Variants in NCOR1 observed in about 807,000 individuals in gnomAD.
NCOR1 encodes nuclear receptor corepressor 1.
NCOR1 carries 63 observed loss-of-function variants against 288.1 expected under a neutral mutation model. That is an observed-to-expected ratio of 0.22 (90% CI 0.18 to 0.27). NCOR1 has a LOEUF of 0.27. Among genes scored for constraint, NCOR1 ranks in the 10% least tolerant of loss-of-function variants. The pLI is 1.00. For missense variants in NCOR1, 2,397 were observed against 3,019.2 expected (o/e 0.79, Z 4.83); for synonymous variants, 1,007 against 1,065.9 (o/e 0.94, Z 1.08).
chr17:16,149,292 CATATATATATAT>C (rs34511605), intron 9 of NCOR1, among the ~76,000 whole-genome samples, 147 bp downstream of exon 9: 1 of 137,964 alleles, frequency 7.2e-6, no homozygotes, highest in South Asian at 2.3e-4. Context: ...AGATTTAAGT[CATATATATATAT>C]ATATATATAT....
intron 19 of NCOR1, chr17:16,108,179 CAAAAA>C (rs35417050): frequency 6.1e-5 from 9 of 146,982 alleles, no homozygotes; most frequent in East Asian, 2.1e-4. Context: ...AAGCAATTTC[CAAAAA>C]AAAAAAAAAA....
At chr17:16,103,673 T>C (rs1189257080) in intron 19 of NCOR1, among the ~76,000 whole-genome samples, 1 of 152,230 alleles carries the variant, frequency 6.6e-6, no homozygotes, top group African/African-American at 2.4e-5. Context: ...TGAAAGGCTC[T>C]TTCACCTACT....
intron 1 of NCOR1, among the ~76,000 whole-genome samples, chr17:16,210,601 A>G (rs1437899398): frequency 6.6e-6 from 1 of 152,206 alleles, no homozygotes; most frequent in African/African-American, 2.4e-5. Context: ...TCACTGTAAC[A>G]CTGACATAGA....
In NCOR1 at chr17:16,071,530, ATGG is replaced by A. The variant is rs2061761449; in HGVS notation, c.4028_4030del (p.Thr1343del). ...ATGAATGGAACGCCCCATTTCTTTG[ATGG>A]TGGTGATGCCATCATATGGTTTTCC... On this transcript the variant is annotated inframe_deletion, in exon 30 of 46. Coordinates refer to ENST00000268712, the MANE Select transcript of NCOR1 (RefSeq NM_006311.4). 1 of 1,613,956 alleles carries A rather than the reference ATGG, an allele frequency of 6.2e-7. No homozygotes were observed. The highest frequency in any genetic ancestry group is 8.5e-7 in the Non-Finnish European group (1 of 1,180,006).
At chr17:16,035,780 GATT>G in intron 44 of NCOR1, among the ~76,000 whole-genome samples, 1 of 152,058 alleles carries the variant, frequency 6.6e-6, no homozygotes, top group Admixed American at 6.5e-5. Context: ...GGGTTCAAGT[GATT>G]CTACTGCCTC....
intron 16 of NCOR1, among the ~76,000 whole-genome samples, chr17:16,120,445 C>G (rs531383101): frequency 1.3e-5 from 2 of 152,156 alleles, no homozygotes; most frequent in African/African-American, 4.8e-5. Flanking sequence ...CTCATTCTTG[C>G]CATTCCCTAA....
intron 3 of NCOR1, among the ~76,000 whole-genome samples, chr17:16,185,331 T>A (rs1046406698): frequency 6.6e-6 from 1 of 152,176 alleles, no homozygotes; most frequent in African/African-American, 2.4e-5. Context: ...GTGACCTTTT[T>A]ATTATCTATA....
At chr17:16,181,562 GTAT>G (rs2085494193) in intron 3 of NCOR1, among the ~76,000 whole-genome samples, 1 of 152,066 alleles carries the variant, frequency 6.6e-6, no homozygotes, top group Non-Finnish European at 1.5e-5. Context: ...TAATACAATT[GTAT>G]TATATTAGGG....
At chr17:16,207,462 C>T (rs1054013808) in intron 1 of NCOR1, among the ~76,000 whole-genome samples, 9 of 152,056 alleles carry the variant, frequency 5.9e-5, no homozygotes, top group African/African-American at 1.4e-4. Flanking sequence ...GTAATCTTGG[C>T]GGGGCGCAGT....
chr17:16,144,388 T>A, intron 10 of NCOR1, among the ~76,000 whole-genome samples: 1 of 152,308 alleles, frequency 6.6e-6, no homozygotes, highest in Non-Finnish European at 1.5e-5. Context: ...AAAAATTAAA[T>A]TTACTAAGAC....
chr17:16,137,660 T>C (rs79125158), intron 13 of NCOR1: 4 of 282,644 alleles, frequency 1.4e-5, no homozygotes, highest in African/African-American at 8.7e-5. Context: ...ATCAGAAACA[T>C]TCAAATATTT....
At chr17:16,062,670 C>G (rs1435910473) in intron 35 of NCOR1, among the ~76,000 whole-genome samples, 2 of 152,198 alleles carry the variant, frequency 1.3e-5, no homozygotes, top group African/African-American at 4.8e-5. Context: ...ACTTTCTAAG[C>G]ATCATAATGA....
At chr17:16,041,480 C>G (rs1259497031) in intron 42 of NCOR1, among the ~76,000 whole-genome samples, 2 of 131,426 alleles carry the variant, frequency 1.5e-5, no homozygotes, top group East Asian at 4.3e-4. Context: ...ATGGCGTGAT[C>G]TAGGCTCACT....
At chr17:16,057,760 G>A in intron 39 of NCOR1, 23 bp from the exon 40 acceptor site, 1 of 1,603,046 alleles carries the variant, frequency 6.2e-7, no homozygotes, top group South Asian at 1.1e-5. Context: ...AATGAAGGAA[G>A]TGGTAAAATT....
Position 16,071,646 on chromosome 17 carries a change from A to C in NCOR1, c.3915T>G (p.Thr1305=). 6.2e-7 allele frequency: 1 copy of C among 1,612,762 alleles called. No homozygotes were observed. Among genetic ancestry groups the C allele is most frequent in the Non-Finnish European group, 8.5e-7 (1 of 1,179,540 alleles). Residue 1305 remains threonine (T), a synonymous_variant, in exon 30 of 46, where the codon ACT becomes ACG. Transcript: ENST00000268712. ...SIMQGTPRAT[T]ESFEDGLKYP... ...ATTTAAGGCCATCTTCAAAGCTTTC[A>C]GTTGTTGCTCTTGGTGTCCCTTGAA...
Position 16,086,961 on chromosome 17 carries a change from A to G in NCOR1, c.3017-519T>C, listed in dbSNP as rs138556205. ...CTCTTCTTAAAGGAAGAGCCAGTCA[A>G]TGTCACAGTATAAATGTGTGAACAC... On this transcript the variant is annotated intron_variant, in intron 22 of 45. Coordinates refer to ENST00000268712, the MANE Select transcript of NCOR1 (RefSeq NM_006311.4). Among the ~76,000 whole-genome samples the G allele has an allele frequency of 2.7e-3, 414 of 152,366 alleles. 2 individuals carry two copies. The highest frequency in any genetic ancestry group is 9.3e-3 in the African/African-American group (387 of 41,592).
chr17:16,162,163 G>A (rs178653), intron 5 of NCOR1, among the ~76,000 whole-genome samples: 80,578 of 151,718 alleles, frequency 0.53, 21,793 homozygotes, highest in Middle Eastern at 0.61. Context: ...TAAAAACATA[G>A]TTGTTGAAAT....
chr17:16,124,413 C>A (rs142298090), intron 15 of NCOR1, among the ~76,000 whole-genome samples: 10 of 152,232 alleles, frequency 6.6e-5, no homozygotes, highest in African/African-American at 2.4e-4. Flanking sequence ...AAACTGACTG[C>A]AAAGGAGCAT....
At chr17:16,126,392 G>T (rs1026720921) in intron 14 of NCOR1, among the ~76,000 whole-genome samples, 186 bp from the exon 15 acceptor site, 1 of 151,962 alleles carries the variant, frequency 6.6e-6, no homozygotes, top group South Asian at 2.1e-4. Context: ...TGCTTGAAGG[G>T]TCCTACACGC....
Sources: gnomAD v4.1 joint callset for allele counts (sites outside exome capture counted in the v4.1 genomes callset) on GRCh38, gnomAD v4.1.1 for gene constraint, MANE v1.5 for transcripts, NCBI Gene and HGNC (gene_info 2026-07-23, HGNC 2026-07-21) for gene names.